NRG3: variants seen among roughly 807,000 people sequenced by gnomAD.
NRG3 encodes neuregulin 3.
A neutral mutation model predicts 66.9 loss-of-function variants in NRG3; 31 were observed. The ratio of observed to expected loss-of-function variants is 0.46; its 90% CI spans 0.35 to 0.63. NRG3 has a LOEUF of 0.63. Ranked by LOEUF, NRG3 falls within the 20% of genes least tolerant of loss-of-function variation. NRG3 has a pLI of 0.00. For missense variants in NRG3, 910 were observed against 878.9 expected (o/e 1.04, Z -0.45); for synonymous variants, 393 against 359.4 (o/e 1.09, Z -1.06).
chr10:82,520,253 C>G (rs985161129), intron 2 of NRG3, among the ~76,000 whole-genome samples: 5 of 150,808 alleles, frequency 3.3e-5, no homozygotes, highest in African/African-American at 1.2e-4. Flanking sequence ...TTAAGGGCAG[C>G]TTTAGTCAAA....
chr10:82,010,524 A>T (rs911353902), intron 1 of NRG3, among the ~76,000 whole-genome samples: 2 of 152,220 alleles, frequency 1.3e-5, no homozygotes, highest in Non-Finnish European at 2.9e-5. Flanking sequence ...TTAATAAAAC[A>T]GTCTGCTACT....
intron 1 of NRG3, among the ~76,000 whole-genome samples, chr10:82,063,445 A>G (rs1162216717): frequency 1.3e-5 from 2 of 152,120 alleles, no homozygotes; most frequent in Non-Finnish European, 2.9e-5. Flanking sequence ...TGTTCTACTG[A>G]TAAACAATTT....
intron 3 of NRG3, among the ~76,000 whole-genome samples, chr10:82,780,872 C>A (rs1234105678): frequency 6.6e-6 from 1 of 152,098 alleles, no homozygotes; most frequent in Non-Finnish European, 1.5e-5. Context: ...TTTCCTGATT[C>A]CTGCCTCAGC....
chr10:82,426,640 A>ATTATTG, intron 2 of NRG3, among the ~76,000 whole-genome samples: 1 of 128,202 alleles, frequency 7.8e-6, no homozygotes, highest in Non-Finnish European at 1.6e-5. Flanking sequence ...TATTATTATT[A>ATTATTG]TTATTATTTT....
chr10:82,643,066 A>G (rs1049099597), intron 2 of NRG3, among the ~76,000 whole-genome samples: 2 of 152,114 alleles, frequency 1.3e-5, no homozygotes, highest in African/African-American at 4.8e-5. Context: ...TTTGAAATTT[A>G]ATAATAAAAT....
At chr10:82,199,873 C>CGTGTGTGTGT (rs1564656239) in intron 1 of NRG3, among the ~76,000 whole-genome samples, 5 of 109,604 alleles carry the variant, frequency 4.6e-5, no homozygotes, top group African/African-American at 1.7e-4. Flanking sequence ...TGAGAGTGTG[C>CGTGTGTGTGT]ATGTGTGTGT....
At chr10:82,942,267 T>G (rs1302591096) in intron 4 of NRG3, among the ~76,000 whole-genome samples, 2 of 152,210 alleles carry the variant, frequency 1.3e-5, no homozygotes, top group Non-Finnish European at 2.9e-5. Flanking sequence ...CATACAGAGA[T>G]CTCTCTGGGG....
intron 2 of NRG3, among the ~76,000 whole-genome samples, chr10:82,719,091 T>C (rs1247948679): frequency 6.6e-6 from 1 of 152,028 alleles, no homozygotes; most frequent in Non-Finnish European, 1.5e-5. Context: ...AGGAAATGAG[T>C]GCCCAGAGGG....
intron 1 of NRG3, among the ~76,000 whole-genome samples, chr10:81,928,364 C>T (rs971141701): frequency 1.3e-5 from 2 of 152,140 alleles, no homozygotes; most frequent in Admixed American, 6.5e-5. Flanking sequence ...TCAGGTAGTG[C>T]GGAGTTTCCC....
At chr10:82,589,660 C>T (rs1358715298) in intron 2 of NRG3, among the ~76,000 whole-genome samples, 1 of 152,098 alleles carries the variant, frequency 6.6e-6, no homozygotes, top group East Asian at 1.9e-4. Flanking sequence ...GATTTTCCCT[C>T]CCTTTGAGGG....
chr10:82,165,388 T>G (rs1004373766), intron 1 of NRG3, among the ~76,000 whole-genome samples: 1 of 152,102 alleles, frequency 6.6e-6, no homozygotes, highest in Non-Finnish European at 1.5e-5. Context: ...GGTGACATTT[T>G]CTCTTGGCTT....
chr10:82,306,906 G>A (rs2080769699), intron 1 of NRG3, among the ~76,000 whole-genome samples: 1 of 151,882 alleles, frequency 6.6e-6, no homozygotes, highest in Non-Finnish European at 1.5e-5. Flanking sequence ...TCATCAAGCT[G>A]TAGCTCTATG....
At chr10:82,882,414 T>C (rs1842382847) in intron 4 of NRG3, among the ~76,000 whole-genome samples, 2 of 152,168 alleles carry the variant, frequency 1.3e-5, no homozygotes, top group South Asian at 4.1e-4. Flanking sequence ...TTCTTGACGG[T>C]AGATGTGTTA....
rs73304597 is a variant in NRG3 at position 81,917,672 on chromosome 10, A to G, written c.823+41509A>G. 5.8e-3 allele frequency among the ~76,000 whole-genome samples: 887 copies of G among 152,342 alleles called. 6 individuals are homozygous for G. Among genetic ancestry groups the G allele is most frequent in the African/African-American group, 0.02 (847 of 41,584 alleles). ...AAATAGTCATGTACTTGAAATATTA[A>G]CTATTCAACTATGCGTGTACTGGTT... On this transcript the variant is annotated intron_variant, in intron 1 of 8. Transcript: ENST00000372141.
intron 1 of NRG3, among the ~76,000 whole-genome samples, chr10:82,253,929 C>T (rs760432028): frequency 1.2e-4 from 19 of 152,124 alleles, no homozygotes; most frequent in Non-Finnish European, 2.4e-4. Flanking sequence ...ATGTATTTTG[C>T]ATTTGTTACT....
intron 2 of NRG3, among the ~76,000 whole-genome samples, chr10:82,556,003 T>C (rs585597): frequency 0.49 from 74,341 of 151,930 alleles, 21,400 homozygotes; most frequent in African/African-American, 0.8. Flanking sequence ...CAGACCACTG[T>C]ATGAAGCTGC....
intron 2 of NRG3, among the ~76,000 whole-genome samples, chr10:82,412,775 C>G (rs1490040468): frequency 6.6e-6 from 1 of 152,162 alleles, no homozygotes; most frequent in Admixed American, 6.6e-5. Context: ...TATTCTAAAT[C>G]CTGTGTTGTC....
intron 2 of NRG3, among the ~76,000 whole-genome samples, chr10:82,727,575 G>T (rs532465994): frequency 1.3e-5 from 2 of 152,250 alleles, no homozygotes; most frequent in African/African-American, 4.8e-5. Context: ...GTATGCAAAT[G>T]CCTGGATGTC....
chr10:82,019,213 G>T (rs547753133), intron 1 of NRG3, among the ~76,000 whole-genome samples: 43 of 152,066 alleles, frequency 2.8e-4, no homozygotes, highest in Non-Finnish European at 5.6e-4. Context: ...TTTGTCTTTG[G>T]TTCTGTTTAT....
Sources: allele counts gnomAD v4.1 joint callset (sites outside exome capture counted in the v4.1 genomes callset), GRCh38; gene constraint gnomAD v4.1.1; transcripts MANE v1.5; gene names NCBI Gene and HGNC (gene_info 2026-07-23, HGNC 2026-07-21).